Variants in CLVS2 observed in about 807,000 individuals in gnomAD.
The protein encoded by CLVS2 is clavesin-2.
In CLVS2, 19 loss-of-function variants were observed where a neutral mutation model predicts 29.0. The observed-to-expected ratio is 0.66, with a 90% CI of 0.46 to 0.96. The LOEUF is 0.96. Among genes scored for constraint, CLVS2 ranks in the 40% least tolerant of loss-of-function variants. The pLI is 0.00. For synonymous variants in CLVS2, 161 were observed against 151.3 expected (o/e 1.06, Z -0.47); for missense variants, 294 against 404.1 (o/e 0.73, Z 2.34).
At chr6:123,037,615 G>A (rs1464596318) in intron 3 of CLVS2, among the ~76,000 whole-genome samples, 1 of 151,882 alleles carries the variant, frequency 6.6e-6, no homozygotes, top group Non-Finnish European at 1.5e-5. Context: ...TCTGACTTCA[G>A]TGCTTACCCA....
At chr6:122,999,791 C>A (rs573313898) in intron 2 of CLVS2, among the ~76,000 whole-genome samples, 1 of 152,036 alleles carries the variant, frequency 6.6e-6, no homozygotes, top group South Asian at 2.1e-4. Context: ...TTAGAGATAC[C>A]ATTATGGGGG....
intron 3 of CLVS2, among the ~76,000 whole-genome samples, chr6:123,033,172 C>T (rs1269123069): frequency 6.6e-6 from 1 of 151,932 alleles, no homozygotes; most frequent in Non-Finnish European, 1.5e-5. Context: ...GATAATCTGT[C>T]AGCTTTGGGG....
chr6:123,059,565 C>A (rs965673705), intron 5 of CLVS2, among the ~76,000 whole-genome samples: 3 of 152,150 alleles, frequency 2.0e-5, no homozygotes, highest in African/African-American at 7.2e-5. Context: ...CTGGTATTGG[C>A]ACTTGCATTT....
chr6:123,033,459 T>A (rs1471887701), intron 3 of CLVS2, among the ~76,000 whole-genome samples: 1 of 152,016 alleles, frequency 6.6e-6, no homozygotes, highest in Non-Finnish European at 1.5e-5. Context: ...ATTAAACAGT[T>A]GAAATATAGC....
chr6:123,003,470 A>G (rs1774620094), intron 2 of CLVS2, among the ~76,000 whole-genome samples: 1 of 152,206 alleles, frequency 6.6e-6, no homozygotes. Flanking sequence ...TATTATAGTA[A>G]GTGGCTATTA....
At chr6:123,040,864 T>C (rs1775219985) in intron 3 of CLVS2, among the ~76,000 whole-genome samples, 1 of 152,184 alleles carries the variant, frequency 6.6e-6, no homozygotes, top group South Asian at 2.1e-4. Context: ...ATTCATTGTA[T>C]ATTTGGACTA....
At chr6:123,030,084 A>G (rs887271310) in intron 3 of CLVS2, among the ~76,000 whole-genome samples, 4 of 152,254 alleles carry the variant, frequency 2.6e-5, no homozygotes, top group African/African-American at 9.6e-5. Flanking sequence ...GCTGCCAGAA[A>G]AAGAAGTACA....
At chr6:123,042,817 A>G (rs550404204) in intron 3 of CLVS2, among the ~76,000 whole-genome samples, 5 of 152,302 alleles carry the variant, frequency 3.3e-5, no homozygotes, top group Admixed American at 1.3e-4. Context: ...TTCTTCAGGA[A>G]TCAGAACCTT....
intron 3 of CLVS2, among the ~76,000 whole-genome samples, chr6:123,011,928 T>A (rs532577145): frequency 1.2e-4 from 19 of 152,196 alleles, no homozygotes; most frequent in African/African-American, 4.6e-4. Flanking sequence ...TTCATTAGAC[T>A]GGGGCATCAA....
At chr6:123,001,038 G>A (rs1774581923) in intron 2 of CLVS2, among the ~76,000 whole-genome samples, 1 of 152,218 alleles carries the variant, frequency 6.6e-6, no homozygotes, top group Non-Finnish European at 1.5e-5. Flanking sequence ...AGACTGTCAT[G>A]TTATTATATT....
At chr6:123,022,894 T>A (rs1405492692) in intron 3 of CLVS2, among the ~76,000 whole-genome samples, 1 of 152,102 alleles carries the variant, frequency 6.6e-6, no homozygotes, top group Non-Finnish European at 1.5e-5. Context: ...TCTGCAGGAC[T>A]GGACAACAAA....
intron 2 of CLVS2, among the ~76,000 whole-genome samples, chr6:123,001,117 T>C (rs1374615775): frequency 6.6e-6 from 1 of 152,208 alleles, no homozygotes; most frequent in African/African-American, 2.4e-5. Flanking sequence ...TGCATTTGTA[T>C]AAAAAGAATT....
chr6:123,042,346 T>C lies in CLVS2; in HGVS notation c.565-6276T>C, dbSNP rs183126050. ...GAAAAAATATTATTTATTATTGCTT[T>C]CCTACATATCAGACTAACTACTTCT... On this transcript the variant is annotated intron_variant, in intron 3 of 5. Transcript: ENST00000275162. Among the ~76,000 whole-genome samples the C allele has an allele frequency of 1.8e-3, 269 of 152,338 alleles. 4 individuals are homozygous for C. Among genetic ancestry groups the C allele is most frequent in the African/African-American group, 6.2e-3 (257 of 41,586 alleles).
At chr6:123,015,601 T>C (rs1774820338) in intron 3 of CLVS2, among the ~76,000 whole-genome samples, 1 of 152,088 alleles carries the variant, frequency 6.6e-6, no homozygotes, top group South Asian at 2.1e-4. Context: ...CAGATCAAAG[T>C]AACTTCTCCC....
chr6:122,997,876 G>A lies in CLVS2; in HGVS notation c.99G>A (p.Glu33=), dbSNP rs1465382848. 1.2e-6 allele frequency: 2 copies of A among 1,614,248 alleles called. No individual in the cohort carries two copies. The highest frequency in any genetic ancestry group is 1.7e-6 in the Non-Finnish European group (2 of 1,180,052). Residue 33 remains glutamate, a synonymous_variant, in exon 2 of 6, where the codon GAG becomes GAA. Transcript: ENST00000275162. ...NPDTLHQDIQ[E]VRDMVITRPD... ...ACACGCTGCACCAGGACATCCAGGA[G>A]GTGAGGGATATGGTCATCACCAGGC...
At position 123,047,065 on chromosome 6, in the gene CLVS2, AC is replaced by A. The variant is rs79909844; in HGVS notation, c.565-1555del. 1.4e-3 allele frequency among the ~76,000 whole-genome samples: 216 copies of A among 152,174 alleles called. 3 individuals are homozygous for A. The East Asian group carries it at 0.023, about 16-fold the overall frequency. ...GGGCAAGTGGGGGACTGGATGCGAGACCTCATTCCTATAGGTGCTACATTCT... is the reference window on the plus strand; with the variant it reads ...GGGCAAGTGGGGGACTGGATGCGAGACTCATTCCTATAGGTGCTACATTCT... On this transcript the variant is annotated intron_variant, in intron 3 of 5. Transcript: ENST00000275162.
At chr6:123,042,593 A>G (rs1187296711) in intron 3 of CLVS2, among the ~76,000 whole-genome samples, 1 of 152,206 alleles carries the variant, frequency 6.6e-6, no homozygotes, top group African/African-American at 2.4e-5. Flanking sequence ...ATGGCTCATT[A>G]CCAGTTATAA....
chr6:123,007,206 A>C (rs555705207), intron 2 of CLVS2, among the ~76,000 whole-genome samples: 2 of 152,232 alleles, frequency 1.3e-5, no homozygotes, highest in African/African-American at 4.8e-5. Context: ...CAATTGTAGA[A>C]GTCATAGAAG....
chr6:123,000,594 T>C (rs1379799133), intron 2 of CLVS2, among the ~76,000 whole-genome samples: 1 of 152,200 alleles, frequency 6.6e-6, no homozygotes, highest in Non-Finnish European at 1.5e-5. Context: ...CCTCTTTCCC[T>C]AGGTGTTTAA....
Sources: gnomAD v4.1 joint callset for allele counts (sites outside exome capture counted in the v4.1 genomes callset) on GRCh38, gnomAD v4.1.1 for gene constraint, MANE v1.5 for transcripts, NCBI Gene and HGNC (gene_info 2026-07-23, HGNC 2026-07-21) for gene names.